GRM8: variants seen among roughly 807,000 people sequenced by gnomAD.
GRM8 encodes the protein glutamate metabotropic receptor 8.
Under a neutral mutation model 87.2 loss-of-function variants are expected in GRM8, and 47 were observed. The ratio of observed to expected loss-of-function variants is 0.54; its 90% CI spans 0.43 to 0.69. The LOEUF (loss-of-function observed/expected upper bound fraction) is 0.69. Among genes scored for constraint, GRM8 ranks in the 30% least tolerant of loss-of-function variants. The probability of loss-of-function intolerance (pLI) is 0.00; values close to 1 mark genes in which losing one functional copy is unlikely to be tolerated. For missense variants in GRM8, 1,019 were observed against 1,139.2 expected, an observed-to-expected ratio of 0.89 and a Z score of 1.52; for synonymous variants, 396 against 404.5, an observed-to-expected ratio of 0.98 and a Z score of 0.25.
chr7:127,175,917 T>C (rs778296167), intron 2 of GRM8, among the ~76,000 whole-genome samples: 1 of 152,150 alleles, frequency 6.6e-6, no homozygotes, highest in African/African-American at 2.4e-5. Flanking sequence ...GGAAAATCAA[T>C]ACAGAAGGAA....
chr7:127,210,151 C>T (rs1796133003), intron 2 of GRM8, among the ~76,000 whole-genome samples: 1 of 152,124 alleles, frequency 6.6e-6, no homozygotes, highest in African/African-American at 2.4e-5. Flanking sequence ...CAAGACAAAC[C>T]CACAGTAGCT....
At chr7:126,500,257 A>C (rs948945267) in intron 9 of GRM8, among the ~76,000 whole-genome samples, 1 of 151,886 alleles carries the variant, frequency 6.6e-6, no homozygotes, top group Non-Finnish European at 1.5e-5. Flanking sequence ...AACCTCTGGT[A>C]ACCACCATTC....
intron 3 of GRM8, among the ~76,000 whole-genome samples, chr7:127,032,849 GCT>G (rs1007067994): frequency 1.3e-5 from 2 of 151,518 alleles, no homozygotes; most frequent in African/African-American, 4.8e-5. Context: ...TTTTATTTTT[GCT>G]TTTTTGTTGT....
chr7:126,615,177 C>T (rs539275932), intron 7 of GRM8, among the ~76,000 whole-genome samples: 8 of 152,250 alleles, frequency 5.3e-5, no homozygotes, highest in East Asian at 1.9e-4. Context: ...GCAGATCTCT[C>T]GGCAGAAACT....
chr7:127,209,017 A>G (rs1796067874), intron 2 of GRM8, among the ~76,000 whole-genome samples: 1 of 152,188 alleles, frequency 6.6e-6, no homozygotes. Context: ...TCGGGGATAT[A>G]AATAGGTAAA....
At chr7:126,900,226 G>A (rs1222486131) in intron 6 of GRM8, among the ~76,000 whole-genome samples, 5 of 152,146 alleles carry the variant, frequency 3.3e-5, no homozygotes, top group African/African-American at 4.8e-5. Flanking sequence ...GTTTCATGGG[G>A]CTATCTCAGA....
At chr7:126,440,371 A>G (rs905955483) in intron 10 of GRM8, among the ~76,000 whole-genome samples, 7 of 138,880 alleles carry the variant, frequency 5.0e-5, no homozygotes, top group Non-Finnish European at 1.1e-4. Flanking sequence ...AGATCGCGCC[A>G]CTGCACACCA....
intron 7 of GRM8, among the ~76,000 whole-genome samples, chr7:126,668,157 C>T (rs991659240): frequency 6.6e-6 from 1 of 152,036 alleles, no homozygotes; most frequent in Non-Finnish European, 1.5e-5. Context: ...AGTGCTCTAG[C>T]GGGGATTCTG....
intron 2 of GRM8, among the ~76,000 whole-genome samples, chr7:127,190,669 T>A (rs1587237825): frequency 6.6e-6 from 1 of 152,122 alleles, no homozygotes; most frequent in Non-Finnish European, 1.5e-5. Context: ...TATATTTACA[T>A]AAAAATAAAA....
intron 7 of GRM8, among the ~76,000 whole-genome samples, chr7:126,622,455 A>G (rs937695255): frequency 4.6e-5 from 7 of 152,164 alleles, no homozygotes; most frequent in Middle Eastern, 3.4e-3. Flanking sequence ...TTCCACTGAG[A>G]AAAGACAGCA....
chr7:126,609,170 A>AT (rs1253812385), intron 8 of GRM8, among the ~76,000 whole-genome samples, 192 bp downstream of exon 8: 1 of 148,852 alleles, frequency 6.7e-6, no homozygotes, highest in Non-Finnish European at 1.5e-5. Flanking sequence ...ATTCTTACAG[A>AT]TATCAGGAGA....
At chr7:126,698,384 G>GA (rs1347951538) in intron 7 of GRM8, among the ~76,000 whole-genome samples, 1 of 151,854 alleles carries the variant, frequency 6.6e-6, no homozygotes, top group Non-Finnish European at 1.5e-5. Context: ...CAAAATTGAA[G>GA]AAAAAATGAT....
At chr7:126,526,983 G>A (rs2237739) in intron 9 of GRM8, among the ~76,000 whole-genome samples, 49,211 of 152,072 alleles carry the variant, frequency 0.32, 8,337 homozygotes, top group South Asian at 0.41. Context: ...AAAATCGACC[G>A]TAATACATTA....
chr7:126,696,504 T>C (rs1809392486), intron 7 of GRM8, among the ~76,000 whole-genome samples: 2 of 152,180 alleles, frequency 1.3e-5, no homozygotes, highest in South Asian at 2.1e-4. Flanking sequence ...GTTCCTGTGT[T>C]AGTTTGCTGA....
intron 9 of GRM8, among the ~76,000 whole-genome samples, chr7:126,524,291 G>C (rs1252384416): frequency 2.0e-5 from 3 of 152,036 alleles, no homozygotes; most frequent in Non-Finnish European, 2.9e-5. Context: ...GATTTTCTGG[G>C]CCATTTACAT....
intron 6 of GRM8, among the ~76,000 whole-genome samples, chr7:126,805,428 C>A (rs1792577277): frequency 6.6e-6 from 1 of 152,240 alleles, no homozygotes; most frequent in Admixed American, 6.5e-5. Context: ...GGCTGATTCC[C>A]TTGCTGTAGC....
intron 9 of GRM8, among the ~76,000 whole-genome samples, chr7:126,452,660 A>G (rs1189260104): frequency 6.6e-6 from 1 of 151,730 alleles, no homozygotes; most frequent in Non-Finnish European, 1.5e-5. Flanking sequence ...GAGAAATGTA[A>G]TCTTGGGCAG....
At chr7:127,129,183 A>G (rs2133215370) in intron 2 of GRM8, among the ~76,000 whole-genome samples, 1 of 152,308 alleles carries the variant, frequency 6.6e-6, no homozygotes, top group East Asian at 1.9e-4. Flanking sequence ...ATATCCTAAC[A>G]TTTTTAATAA....
chr7:126,733,774 C>A (rs1159388925), intron 7 of GRM8, among the ~76,000 whole-genome samples: 1 of 151,884 alleles, frequency 6.6e-6, no homozygotes, highest in Non-Finnish European at 1.5e-5. Flanking sequence ...GGATGGTCAA[C>A]AGTGACATCA....
Sources: allele counts gnomAD v4.1 joint callset (sites outside exome capture counted in the v4.1 genomes callset), GRCh38; gene constraint gnomAD v4.1.1; transcripts MANE v1.5; gene names NCBI Gene and HGNC (gene_info 2026-07-23, HGNC 2026-07-21).